The following MAPKAP1 variants were observed in gnomAD, a reference collection of about 807,000 sequenced individuals.
The protein encoded by MAPKAP1 is target of rapamycin complex 2 subunit MAPKAP1.
A neutral mutation model predicts 65.7 loss-of-function variants in MAPKAP1; 20 were observed. The ratio of observed to expected loss-of-function variants is 0.30; its 90% CI spans 0.21 to 0.44. The LOEUF (loss-of-function observed/expected upper bound fraction) is 0.44. Among genes scored for constraint, MAPKAP1 ranks in the 20% least tolerant of loss-of-function variants. The pLI is 1.00. For synonymous variants in MAPKAP1, 222 were observed against 244.3 expected (o/e 0.91, Z 0.85); for missense variants, 423 against 648.0 (o/e 0.65, Z 3.77).
intron 3 of MAPKAP1, among the ~76,000 whole-genome samples, chr9:125,667,770 G>A (rs1010645387): frequency 6.6e-6 from 1 of 152,044 alleles, no homozygotes; most frequent in South Asian, 2.1e-4. Context: ...GCAAATAAAG[G>A]GTGGCTGGAG....
At chr9:125,584,515 T>C (rs1377233143) in intron 5 of MAPKAP1, among the ~76,000 whole-genome samples, 1 of 152,144 alleles carries the variant, frequency 6.6e-6, no homozygotes, top group Non-Finnish European at 1.5e-5. Flanking sequence ...CTCGGTTCAC[T>C]GCAACCTCTG....
intron 4 of MAPKAP1, among the ~76,000 whole-genome samples, chr9:125,597,011 C>A: frequency 6.8e-6 from 1 of 147,980 alleles, no homozygotes; most frequent in South Asian, 2.1e-4. Flanking sequence ...TGCCTGTAAT[C>A]CCAGCACTTT....
chr9:125,540,441 C>A (rs1830208815), intron 7 of MAPKAP1, among the ~76,000 whole-genome samples: 1 of 152,228 alleles, frequency 6.6e-6, no homozygotes, highest in Middle Eastern at 3.2e-3. Context: ...TTTCTGAAAT[C>A]TTGTTGTAGC....
At chr9:125,538,728 T>C (rs7849554) in intron 7 of MAPKAP1, among the ~76,000 whole-genome samples, 5,327 of 152,264 alleles carry the variant, frequency 0.035, 326 homozygotes, top group African/African-American at 0.12. Flanking sequence ...AAACACCCTA[T>C]AGGATGCAGA....
At chr9:125,661,265 G>T (rs541657605) in intron 3 of MAPKAP1, among the ~76,000 whole-genome samples, 1 of 152,124 alleles carries the variant, frequency 6.6e-6, no homozygotes, top group Admixed American at 6.5e-5. Context: ...CCTATGAAAC[G>T]GAATTCGGAA....
At chr9:125,473,923 T>A (rs1264099196) in intron 9 of MAPKAP1, among the ~76,000 whole-genome samples, 3 of 152,188 alleles carry the variant, frequency 2.0e-5, no homozygotes, top group Admixed American at 2.0e-4. Flanking sequence ...ATGATAATAA[T>A]ACACATAATA....
intron 1 of MAPKAP1, among the ~76,000 whole-genome samples, chr9:125,697,770 G>A (rs2131868311): frequency 6.6e-6 from 1 of 152,174 alleles, no homozygotes; most frequent in Non-Finnish European, 1.5e-5. Flanking sequence ...CTGCCAAAGT[G>A]CTTTCCAGAA....
intron 5 of MAPKAP1, among the ~76,000 whole-genome samples, chr9:125,584,393 C>T (rs1463430263): frequency 6.6e-6 from 1 of 152,166 alleles, no homozygotes; most frequent in African/African-American, 2.4e-5. Flanking sequence ...TAACTGCTGA[C>T]TGGATCATAC....
chr9:125,698,310 T>TATATATATATATATATAAA (rs1835481205), intron 1 of MAPKAP1, among the ~76,000 whole-genome samples: 1 of 45,134 alleles, frequency 2.2e-5, no homozygotes, highest in South Asian at 6.8e-4. Context: ...TATATATATA[T>TATATATATATATATATAAA]ATATATATAT....
rs1404882315 is a variant in MAPKAP1, at chr9:125,459,135, C to T, written c.1345+8837G>A. 3.4e-3 allele frequency among the ~76,000 whole-genome samples: 488 copies of T among 144,534 alleles called. 4 individuals are homozygous for T. Among genetic ancestry groups the T allele is most frequent in the African/African-American group, 0.012 (463 of 38,926 alleles). 94.8% of individuals were successfully genotyped at this position (144,534 alleles called of 152,430 possible). ...GCAGAGACGCTCTTCACCTCCCAGACGGGGTCGCGGCCGGGCAGAGGCGCT... is the reference window on the plus strand; with the variant it reads ...GCAGAGACGCTCTTCACCTCCCAGATGGGGTCGCGGCCGGGCAGAGGCGCT... On this transcript the variant is annotated intron_variant, in intron 10 of 11. Coordinates refer to ENST00000265960, the MANE Select transcript of MAPKAP1 (RefSeq NM_001006617.3).
chr9:125,559,497 C>G, intron 6 of MAPKAP1, 136 bp downstream of exon 6: 1 of 755,174 alleles, frequency 1.3e-6, no homozygotes, highest in Non-Finnish European at 2.2e-6. Context: ...CAGCATCTCT[C>G]TGGGAGTCAT....
At chr9:125,477,718 G>C (rs1854162278) in intron 9 of MAPKAP1, among the ~76,000 whole-genome samples, 1 of 152,184 alleles carries the variant, frequency 6.6e-6, no homozygotes, top group Non-Finnish European at 1.5e-5. Flanking sequence ...GGGTTTCTTA[G>C]ATTGTGGCTG....
At chr9:125,554,432 A>T (rs1443409118) in intron 6 of MAPKAP1, among the ~76,000 whole-genome samples, 1 of 152,228 alleles carries the variant, frequency 6.6e-6, no homozygotes, top group Non-Finnish European at 1.5e-5. Flanking sequence ...TCAGTTTTGA[A>T]ACAGGGAGAG....
At chr9:125,495,459 T>C (rs962625865) in intron 8 of MAPKAP1, among the ~76,000 whole-genome samples, 3 of 152,146 alleles carry the variant, frequency 2.0e-5, no homozygotes, top group African/African-American at 7.2e-5. Flanking sequence ...AATGTACCAG[T>C]GTATCGCTTA....
intron 1 of MAPKAP1, among the ~76,000 whole-genome samples, chr9:125,692,310 C>A (rs540505992): frequency 6.6e-6 from 1 of 152,218 alleles, no homozygotes; most frequent in African/African-American, 2.4e-5. Context: ...TACAGACATA[C>A]AATGGAATAT....
intron 3 of MAPKAP1, among the ~76,000 whole-genome samples, chr9:125,661,456 G>A (rs545355574): frequency 5.9e-5 from 9 of 152,234 alleles, no homozygotes; most frequent in East Asian, 3.9e-4. Context: ...TGGTACATGC[G>A]TATCACAGAG....
At chr9:125,487,028 T>A (rs1282540782) in intron 8 of MAPKAP1, among the ~76,000 whole-genome samples, 1 of 152,112 alleles carries the variant, frequency 6.6e-6, no homozygotes, top group Non-Finnish European at 1.5e-5. Context: ...CCACTGCAAC[T>A]CAGACACTGC....
intron 6 of MAPKAP1, 135 bp from the exon 7 acceptor site, chr9:125,543,303 G>C: frequency 1.6e-6 from 1 of 627,240 alleles, no homozygotes; most frequent in South Asian, 1.8e-5. Flanking sequence ...GTCTCGCTCT[G>C]TCACCCAGGC....
intron 4 of MAPKAP1, among the ~76,000 whole-genome samples, chr9:125,589,934 C>A (rs1372006941): frequency 1.3e-5 from 2 of 152,162 alleles, no homozygotes; most frequent in East Asian, 3.9e-4. Flanking sequence ...CAATGGCTAA[C>A]AAAGACTTCA....
Sources: gnomAD v4.1 joint callset for allele counts (sites outside exome capture counted in the v4.1 genomes callset) on GRCh38, gnomAD v4.1.1 for gene constraint, MANE v1.5 for transcripts, NCBI Gene and HGNC (gene_info 2026-07-23, HGNC 2026-07-21) for gene names.